NEB: variants seen among roughly 807,000 people sequenced by gnomAD.
The protein encoded by NEB is nebulin.
In NEB, 512 loss-of-function variants were observed where a neutral mutation model predicts 952.2. The ratio of observed to expected loss-of-function variants is 0.54; its 90% CI spans 0.50 to 0.58. The LOEUF is 0.58. Among genes scored for constraint, NEB ranks in the 20% least tolerant of loss-of-function variants. NEB has a pLI of 0.00. For synonymous variants in NEB, 2,900 were observed against 3,149.8 expected (o/e 0.92, Z 2.66); for missense variants, 8,428 against 9,231.1 (o/e 0.91, Z 3.56).
At position 151,627,208 on chromosome 2, in the gene NEB, GGAGA is replaced by G. The variant is rs764505319; in HGVS notation, c.10144-7_10144-4del. ...TGGAGATCAGATTTGTAAATGTTCT[GGAGA>G]GATTAAACACAAAAGCGAGTATTAC... On this transcript the variant is annotated splice_region_variant and splice_polypyrimidine_tract_variant and intron_variant, in intron 69 of 181. Transcript: ENST00000397345. The G allele has an allele frequency of 2.5e-6, 4 of 1,611,272 alleles. No individual in the cohort carries two copies. The highest frequency in any genetic ancestry group is 3.4e-6 in the Non-Finnish European group (4 of 1,177,902).
chr2:151,509,210 T>C (rs1449549246), intron 161 of NEB, among the ~76,000 whole-genome samples: 2 of 152,218 alleles, frequency 1.3e-5, no homozygotes, highest in Non-Finnish European at 2.9e-5. Flanking sequence ...ATTTTGTTCA[T>C]CTAAATGGAA....
intron 54 of NEB, among the ~76,000 whole-genome samples, chr2:151,646,518 A>G (rs1246851556): frequency 6.6e-6 from 1 of 152,236 alleles, no homozygotes; most frequent in East Asian, 1.9e-4. Flanking sequence ...TATCAAATGA[A>G]ACAGGCTTCT....
chr2:151,642,531 T>G (rs2098888305), intron 60 of NEB, 43 bp downstream of exon 60: 4 of 1,520,958 alleles, frequency 2.6e-6, no homozygotes, highest in Non-Finnish European at 3.6e-6. Flanking sequence ...GAAATAAATC[T>G]TTGAGCCAAA....
rs886038448 is a variant in NEB at position 151,518,925 on chromosome 2, G to A, written c.22695+40C>T. The stretch of plus-strand genomic sequence containing the variant: ...CTCAGAAAGAATTTAGTTCCAAATG[G>A]GTAAAACAAGCTGTTTCTGGAGCAA... On this transcript the variant is annotated intron_variant, in intron 155 of 181. Coordinates refer to ENST00000397345, the MANE Select transcript of NEB (RefSeq NM_001164508.2). 7.1e-7 allele frequency: 1 copy of A among 1,410,564 alleles called. No individual in the cohort carries two copies. Among genetic ancestry groups the A allele is most frequent in the African/African-American group, 1.4e-5 (1 of 70,810 alleles). The allele number at this position is 1,410,564 out of a possible 1,614,324, so 87.4% of individuals were successfully genotyped here. A position where few individuals can be genotyped will look rare whatever the true frequency, so the allele number is the denominator to read the frequency against.
chr2:151,530,896 G>T, intron 145 of NEB, 98 bp downstream of exon 145: 1 of 739,006 alleles, frequency 1.4e-6, no homozygotes, highest in South Asian at 1.8e-5. Context: ...GTTTTAGGGT[G>T]GTTGTTACAC....
intron 168 of NEB, among the ~76,000 whole-genome samples, 195 bp downstream of exon 168, chr2:151,501,196 C>T (rs1302379699): frequency 6.6e-6 from 1 of 151,924 alleles, no homozygotes; most frequent in African/African-American, 2.4e-5. Context: ...TTTTAAGGGA[C>T]TATTATAGAA....
At chr2:151,523,955 A>C (rs1649839345) in intron 153 of NEB, among the ~76,000 whole-genome samples, 1 of 152,202 alleles carries the variant, frequency 6.6e-6, no homozygotes, top group South Asian at 2.1e-4. Flanking sequence ...CTTCATGTTA[A>C]ATCTATCCCA....
chr2:151,560,817 T>C (rs1424117170), intron 123 of NEB, 118 bp from the exon 124 acceptor site: 6 of 807,332 alleles, frequency 7.4e-6, no homozygotes, highest in Non-Finnish European at 1.2e-5. Context: ...CTCCCAGGAC[T>C]CCTCTTTAAG....
At position 151,558,468 on chromosome 2, in the gene NEB, C is replaced by T. The variant is rs192681908; in HGVS notation, c.19314+2124G>A. 2.7e-3 allele frequency among the ~76,000 whole-genome samples: 416 copies of T among 152,198 alleles called. 1 individual carries two copies. The highest frequency in any genetic ancestry group is 4.5e-3 in the Non-Finnish European group (307 of 67,990). The stretch of plus-strand genomic sequence containing the variant: ...AGGTAATCTATAGATTCAATGCTAT[C>T]CCCATCAAGCTACCATTGACTTTTT... On this transcript the variant is annotated intron_variant, in intron 124 of 181. Transcript: ENST00000397345.
chr2:151,611,712 A>C (rs2097973921), intron 78 of NEB, among the ~76,000 whole-genome samples: 1 of 152,244 alleles, frequency 6.6e-6, no homozygotes, highest in Non-Finnish European at 1.5e-5. Flanking sequence ...TAGCTTTCAA[A>C]AGTGGATTTC....
rs776901777 is a variant in NEB, at chr2:151,663,906, C to A, written c.5452-47G>T. 1.6e-5 allele frequency: 24 copies of A among 1,545,654 alleles called. No homozygotes were observed. In the South Asian group the frequency reaches 2.6e-4, roughly 17 times the overall value. On this transcript the variant is annotated intron_variant, in intron 44 of 181. Transcript: ENST00000397345. ...TGGTGATGAAAATGGTAAAAGAGAA[C>A]AAAGTACCATTTGCTAGGTGATGTG...
chr2:151,574,897 AATTT>A (rs761438480), intron 107 of NEB, among the ~76,000 whole-genome samples: 26 of 151,370 alleles, frequency 1.7e-4, no homozygotes, highest in South Asian at 8.4e-4. Context: ...TTGCCCAACT[AATTT>A]ATTTATTTTT....
intron 134 of NEB, 23 bp from the exon 135 acceptor site, chr2:151,546,021 G>C (rs766485038): frequency 4.5e-5 from 38 of 849,616 alleles, no homozygotes; most frequent in Non-Finnish European, 6.2e-5. Flanking sequence ...AAAAAAAACA[G>C]AAATACAAGT....
chr2:151,612,727 C>T (rs1362132330), intron 77 of NEB, among the ~76,000 whole-genome samples: 8 of 152,196 alleles, frequency 5.3e-5, no homozygotes, highest in Non-Finnish European at 1.0e-4. Flanking sequence ...GGAAACTGTA[C>T]TGGGTGAGAA....
rs778540783 is a variant in NEB at position 151,650,393 on chromosome 2, G to GAGCA, written c.7228-18_7228-15dup. On this transcript the variant is annotated splice_polypyrimidine_tract_variant and intron_variant, in intron 53 of 181. Transcript: ENST00000397345. ...TTTATATAGATTCTGTGAAAAGACA[G>GAGCA]AGCAAGCCATCAAAATCCCATTCTC... 60 of 1,610,286 alleles carry GAGCA rather than the reference G, an allele frequency of 3.7e-5. No individual in the cohort carries two copies. Among genetic ancestry groups the GAGCA allele is most frequent in the Non-Finnish European group, 4.8e-5 (57 of 1,176,856 alleles).
intron 131 of NEB, among the ~76,000 whole-genome samples, chr2:151,548,015 A>G (rs2094920769): frequency 6.6e-6 from 1 of 152,288 alleles, no homozygotes; most frequent in African/African-American, 2.4e-5. Flanking sequence ...CATGAGTCAG[A>G]CTAAAATGCA....
intron 144 of NEB, 87 bp from the exon 145 acceptor site, chr2:151,531,188 A>C (rs1301936946): frequency 4.8e-6 from 4 of 838,468 alleles, no homozygotes; most frequent in Non-Finnish European, 7.8e-6. Flanking sequence ...TTCCTGAGTG[A>C]ATATAAAGGA....
Position 151,576,510 on chromosome 2 carries a change from ATATATATTTTTTTTTTTTTTTTTTT to A in NEB, c.16705-181_16705-157del, listed in dbSNP as rs1356632334. On this transcript the variant is annotated intron_variant, in intron 105 of 181. Transcript: ENST00000397345. ...CATATATATATATATATATATATAT[ATATATATTTTTTTTTTTTTTTTTTT>A]TTTTTTTTTTTTTTGAGACAGAGTC... 8.4e-3 allele frequency among the ~76,000 whole-genome samples: 263 copies of A among 31,490 alleles called. 1 individual carries two copies. The highest frequency in any genetic ancestry group is 9.6e-3 in the Non-Finnish European group (190 of 19,860). 20.7% of individuals were successfully genotyped at this position (31,490 alleles called of 152,430 possible). A position where few individuals can be genotyped will look rare whatever the true frequency, so the allele number is the denominator to read the frequency against.
Position 151,618,483 on chromosome 2 carries a change from A to G in NEB, c.10873-5T>C. On this transcript the variant is annotated splice_region_variant and splice_polypyrimidine_tract_variant and intron_variant, in intron 73 of 181. Coordinates refer to ENST00000397345, the MANE Select transcript of NEB (RefSeq NM_001164508.2). The stretch of plus-strand genomic sequence containing the variant: ...AAGGTCTGACTTATACAAATTCTGC[A>G]GATCAACAGATAAGAAACAGATTTA... 6.2e-7 allele frequency: 1 copy of G among 1,611,230 alleles called. No individual in the cohort carries two copies. Among genetic ancestry groups the G allele is most frequent in the Non-Finnish European group, 8.5e-7 (1 of 1,178,068 alleles).
Sources: allele counts gnomAD v4.1 joint callset (sites outside exome capture counted in the v4.1 genomes callset), GRCh38; gene constraint gnomAD v4.1.1; transcripts MANE v1.5; gene names NCBI Gene and HGNC (gene_info 2026-07-23, HGNC 2026-07-21).